Variants in RBFOX1 observed in about 807,000 individuals in gnomAD.
The protein encoded by RBFOX1 is RNA binding fox-1 homolog 1.
In RBFOX1, 8 loss-of-function variants were observed where a neutral mutation model predicts 57.7. The observed-to-expected ratio is 0.14, with a 90% CI of 0.08 to 0.25. The LOEUF (loss-of-function observed/expected upper bound fraction) is 0.25, where lower values mean the gene tolerates loss of function less well. Among genes scored for constraint, RBFOX1 ranks in the 10% least tolerant of loss-of-function variants. RBFOX1 has a pLI of 1.00. For synonymous variants in RBFOX1, 326 were observed against 222.4 expected (o/e 1.47, Z -4.15); for missense variants, 611 against 548.5 (o/e 1.11, Z -1.14).
chr16:6,973,892 G>C (rs2086165658), intron 3 of RBFOX1, among the ~76,000 whole-genome samples: 1 of 152,056 alleles, frequency 6.6e-6, no homozygotes, highest in South Asian at 2.1e-4. Context: ...AACGTATTAA[G>C]CCCAGCATAC....
At chr16:7,416,759 C>G (rs111607671) in intron 4 of RBFOX1, among the ~76,000 whole-genome samples, 2 of 152,080 alleles carry the variant, frequency 1.3e-5, no homozygotes, top group African/African-American at 4.8e-5. Flanking sequence ...TATGTGGACA[C>G]TAGTTGTGAA....
chr16:5,350,202 A>G (rs898027927), intron 1 of RBFOX1, among the ~76,000 whole-genome samples: 1 of 152,130 alleles, frequency 6.6e-6, no homozygotes, highest in Admixed American at 6.5e-5. Context: ...GTCTGGTAAG[A>G]AGGTTAGTGT....
intron 2 of RBFOX1, among the ~76,000 whole-genome samples, chr16:6,605,737 G>T (rs560502565): frequency 6.6e-6 from 1 of 152,302 alleles, no homozygotes; most frequent in African/African-American, 2.4e-5. Flanking sequence ...GATTCAGTCC[G>T]TGTGTTCGTG....
intron 3 of RBFOX1, among the ~76,000 whole-genome samples, chr16:7,022,558 G>C (rs1047623353): frequency 1.3e-5 from 2 of 152,056 alleles, no homozygotes; most frequent in African/African-American, 4.8e-5. Context: ...GATAACCCTA[G>C]TGAAGATCCT....
chr16:7,364,079 C>G (rs573944447), intron 4 of RBFOX1, among the ~76,000 whole-genome samples: 1 of 152,304 alleles, frequency 6.6e-6, no homozygotes, highest in East Asian at 1.9e-4. Flanking sequence ...CCTATTAAAG[C>G]TCACATCTTT....
At chr16:6,715,763 G>A (rs1004046354) in intron 3 of RBFOX1, among the ~76,000 whole-genome samples, 3 of 152,210 alleles carry the variant, frequency 2.0e-5, no homozygotes, top group African/African-American at 7.2e-5. Flanking sequence ...AGTGAATTAT[G>A]TGGAAGAATC....
At chr16:5,335,458 C>G (rs1057154283) in intron 1 of RBFOX1, among the ~76,000 whole-genome samples, 5 of 152,188 alleles carry the variant, frequency 3.3e-5, no homozygotes, top group Non-Finnish European at 5.9e-5. Context: ...TGTCTCCTTC[C>G]TCTTCTCCAT....
chr16:7,160,508 CTG>C (rs1313938763), intron 4 of RBFOX1, among the ~76,000 whole-genome samples: 5 of 151,992 alleles, frequency 3.3e-5, no homozygotes, highest in East Asian at 1.9e-4. Context: ...TAGATAAAAA[CTG>C]TTATACATAT....
chr16:6,910,345 C>T (rs527580386), intron 3 of RBFOX1, among the ~76,000 whole-genome samples: 4 of 152,228 alleles, frequency 2.6e-5, no homozygotes, highest in South Asian at 2.1e-4. Context: ...TTCCACTCCC[C>T]GTCTCCACAC....
At chr16:6,895,440 GTGTGTGTGTATATATA>G (rs1481584803) in intron 3 of RBFOX1, among the ~76,000 whole-genome samples, 1 of 87,516 alleles carries the variant, frequency 1.1e-5, no homozygotes, top group Non-Finnish European at 2.2e-5. Flanking sequence ...GTGTGTGTGT[GTGTGTGTGTATATATA>G]TATATATATA....
intron 1 of RBFOX1, among the ~76,000 whole-genome samples, chr16:6,121,087 C>G (rs545768907): frequency 1.4e-4 from 21 of 152,308 alleles, no homozygotes; most frequent in African/African-American, 4.6e-4. Flanking sequence ...ATCTTGATAA[C>G]AAATCTTCCT....
chr16:6,939,506 C>CTTTT (rs796218936), intron 3 of RBFOX1, among the ~76,000 whole-genome samples: 7 of 112,882 alleles, frequency 6.2e-5, no homozygotes, highest in Non-Finnish European at 5.8e-5. Context: ...ATTTTTCTTT[C>CTTTT]TTTTTTTTTT....
intron 4 of RBFOX1, among the ~76,000 whole-genome samples, chr16:7,328,369 A>G (rs1371263220): frequency 6.6e-6 from 1 of 150,526 alleles, no homozygotes; most frequent in Non-Finnish European, 1.5e-5. Flanking sequence ...AATCCCAGCT[A>G]CTCGGCAGGC....
intron 4 of RBFOX1, among the ~76,000 whole-genome samples, chr16:7,221,162 C>T (rs755713639): frequency 6.6e-6 from 1 of 152,172 alleles, no homozygotes; most frequent in East Asian, 1.9e-4. Context: ...TAATATCTCC[C>T]TGTGTATTTT....
At chr16:7,161,528 G>C (rs1362649842) in intron 4 of RBFOX1, among the ~76,000 whole-genome samples, 1 of 152,078 alleles carries the variant, frequency 6.6e-6, no homozygotes, top group African/African-American at 2.4e-5. Flanking sequence ...CTATTTTACA[G>C]ATTCAGAAAG....
At chr16:7,706,392 C>G (rs1266337254) in intron 14 of RBFOX1, among the ~76,000 whole-genome samples, 1 of 152,160 alleles carries the variant, frequency 6.6e-6, no homozygotes, top group Non-Finnish European at 1.5e-5. Flanking sequence ...GAAGAGAATA[C>G]TGCCAAATTG....
At chr16:6,408,812 T>G (rs550640593) in intron 2 of RBFOX1, among the ~76,000 whole-genome samples, 35 of 152,328 alleles carry the variant, frequency 2.3e-4, no homozygotes, top group African/African-American at 7.5e-4. Flanking sequence ...GCATTTTAAT[T>G]TAATTCAGTC....
chr16:5,652,172 G>T (rs1412852079), intron 3 of RBFOX1, among the ~76,000 whole-genome samples: 1 of 152,096 alleles, frequency 6.6e-6, no homozygotes, highest in Non-Finnish European at 1.5e-5. Flanking sequence ...TGATGAAGAA[G>T]ATATTGACAG....
At chr16:6,301,524 A>G (rs2078818741) in intron 1 of RBFOX1, among the ~76,000 whole-genome samples, 1 of 152,184 alleles carries the variant, frequency 6.6e-6, no homozygotes, top group South Asian at 2.1e-4. Context: ...CGGAGATGTG[A>G]GTAAAATTAA....
Sources: gnomAD v4.1 joint callset for allele counts (sites outside exome capture counted in the v4.1 genomes callset) on GRCh38, gnomAD v4.1.1 for gene constraint, MANE v1.5 for transcripts, NCBI Gene and HGNC (gene_info 2026-07-23, HGNC 2026-07-21) for gene names.